The following KYNU variants were observed in gnomAD, a reference collection of about 807,000 sequenced individuals.
KYNU encodes the protein L-kynurenine hydrolase.
KYNU carries 54 observed loss-of-function variants against 59.2 expected under a neutral mutation model. The observed-to-expected ratio is 0.91, with a 90% confidence interval of 0.73 to 1.14. The LOEUF (loss-of-function observed/expected upper bound fraction) is 1.14, where lower values mean the gene tolerates loss of function less well. KYNU is among the 50% of genes most tolerant of loss of function. The pLI, the probability that KYNU is intolerant of heterozygous loss-of-function variation, is 0.00. For missense variants in KYNU, 567 were observed against 554.4 expected (o/e 1.02, Z -0.23); for synonymous variants, 177 against 192.0 (o/e 0.92, Z 0.65).
At chr2:142,989,359 A>G (rs1685322256) in intron 10 of KYNU, 1 of 1,000,114 alleles carries the variant, frequency 1.0e-6, no homozygotes, top group African/African-American at 1.7e-5. Flanking sequence ...GAGAGACCAA[A>G]GAGTTTTTCA....
chr2:142,906,001 G>GTC (rs796174046), intron 2 of KYNU, among the ~76,000 whole-genome samples: 6 of 150,202 alleles, frequency 4.0e-5, no homozygotes, highest in East Asian at 2.0e-4. Flanking sequence ...TCTCATCTCT[G>GTC]TCTCTCTCTC....
At chr2:142,949,615 G>T (rs1258349129) in intron 4 of KYNU, among the ~76,000 whole-genome samples, 1 of 152,170 alleles carries the variant, frequency 6.6e-6, no homozygotes, top group Non-Finnish European at 1.5e-5. Flanking sequence ...GGGACTCAGG[G>T]CACCAAGTCC....
At chr2:142,913,546 T>C (rs1263926523) in intron 2 of KYNU, among the ~76,000 whole-genome samples, 1 of 152,212 alleles carries the variant, frequency 6.6e-6, no homozygotes, top group Admixed American at 6.5e-5. Flanking sequence ...TATTCCACTG[T>C]GGTCTGAAAG....
intron 8 of KYNU, chr2:142,971,131 A>G (rs1378714786): frequency 1.3e-5 from 2 of 152,198 alleles, no homozygotes; most frequent in Admixed American, 1.3e-4. Context: ...ATCTTCCAAA[A>G]AATTAGAAGT....
At chr2:142,947,046 C>T (rs1246875048) in intron 4 of KYNU, 23 of 1,547,674 alleles carry the variant, frequency 1.5e-5, no homozygotes, top group Non-Finnish European at 2.0e-5. Context: ...TCTCACCTCA[C>T]CCTTCCCCAA....
At chr2:142,927,130 A>G (rs1216698474) in intron 3 of KYNU, among the ~76,000 whole-genome samples, 1 of 152,250 alleles carries the variant, frequency 6.6e-6, no homozygotes, top group Non-Finnish European at 1.5e-5. Flanking sequence ...GCTAGCAAAT[A>G]TGTCAAACCA....
chr2:142,881,011 G>A (rs1411438116), intron 1 of KYNU, among the ~76,000 whole-genome samples: 2 of 152,206 alleles, frequency 1.3e-5, no homozygotes, highest in Non-Finnish European at 2.9e-5. Flanking sequence ...TGTTATTGGT[G>A]TTCAGAGGAA....
rs145100378 is a variant in KYNU at position 142,948,388 on chromosome 2, A to G, written c.374-6422A>G. On this transcript the variant is annotated intron_variant, in intron 4 of 13. Transcript: ENST00000264170. ...ACCAGATCACTCAAACTTTCTCCAT[A>G]TCAGCAATAAAGCTTGTATTAGTCT... 9.7e-3 allele frequency among the ~76,000 whole-genome samples: 1,471 copies of G among 152,314 alleles called. 15 individuals are homozygous for G. Among genetic ancestry groups the G allele is most frequent in the Non-Finnish European group, 0.011 (756 of 68,020 alleles).
At chr2:142,972,809 T>G (rs568607923) in intron 8 of KYNU, among the ~76,000 whole-genome samples, 3,125 of 137,276 alleles carry the variant, frequency 0.023, 51 homozygotes, top group African/African-American at 0.054. Flanking sequence ...TATATATATA[T>G]ATATAGAGAG....
At chr2:142,955,552 C>T (rs926412571) in intron 5 of KYNU, among the ~76,000 whole-genome samples, 14 of 151,964 alleles carry the variant, frequency 9.2e-5, no homozygotes, top group African/African-American at 3.1e-4. Context: ...TTGAAAAAGG[C>T]TTTTGGCATC....
chr2:142,967,883 T>A (rs1684598539), intron 8 of KYNU, among the ~76,000 whole-genome samples: 1 of 152,178 alleles, frequency 6.6e-6, no homozygotes, highest in South Asian at 2.1e-4. Context: ...ATATCAGAAC[T>A]TGAGCAATTA....
chr2:142,959,127 T>TCACA (rs148878212), intron 7 of KYNU, among the ~76,000 whole-genome samples: 1 of 150,224 alleles, frequency 6.7e-6, no homozygotes, highest in Non-Finnish European at 1.5e-5. Flanking sequence ...ACATACACAC[T>TCACA]CACACACACA....
At chr2:142,949,279 C>G (rs983443882) in intron 4 of KYNU, among the ~76,000 whole-genome samples, 9 of 152,184 alleles carry the variant, frequency 5.9e-5, no homozygotes, top group African/African-American at 1.9e-4. Flanking sequence ...ACTCTGGGGA[C>G]TGGAGGACAG....
At chr2:142,922,413 G>A (rs1216272888) in intron 3 of KYNU, among the ~76,000 whole-genome samples, 1 of 152,118 alleles carries the variant, frequency 6.6e-6, no homozygotes, top group Non-Finnish European at 1.5e-5. Context: ...GTTGAGGTGG[G>A]AGGATCGCTT....
chr2:142,971,865 T>C (rs1340202789), intron 8 of KYNU, among the ~76,000 whole-genome samples: 2 of 152,212 alleles, frequency 1.3e-5, no homozygotes, highest in Non-Finnish European at 2.9e-5. Context: ...AAAATCAAGA[T>C]GCTTTTTGTA....
rs762680531 is a variant in KYNU at position 142,986,025 on chromosome 2, A to G, written c.902+4A>G. The G allele has an allele frequency of 1.9e-6, 3 of 1,602,548 alleles. No individual in the cohort carries two copies. Among genetic ancestry groups the G allele is most frequent in the Non-Finnish European group, 2.6e-6 (3 of 1,170,230 alleles). The stretch of plus-strand genomic sequence containing the variant: ...ATGCCCATACGATTAAACCTGCGTG[A>G]GTACCATCTTCAGCTAATTCTTTGG... On this transcript the variant is annotated splice_donor_region_variant and intron_variant, in intron 10 of 13. Transcript: ENST00000264170.
intron 2 of KYNU, among the ~76,000 whole-genome samples, chr2:142,905,716 G>A (rs1248280035): frequency 6.6e-6 from 1 of 152,288 alleles, no homozygotes; most frequent in Non-Finnish European, 1.5e-5. Context: ...TCTTCTGTTA[G>A]CAAAGCAGTT....
intron 4 of KYNU, chr2:142,946,977 A>C: frequency 1.4e-6 from 2 of 1,443,246 alleles, no homozygotes; most frequent in Non-Finnish European, 1.9e-6. Flanking sequence ...TTTGTATTTC[A>C]AATAGCCAAC....
At chr2:142,947,288 C>A in intron 4 of KYNU, 2 of 1,454,200 alleles carry the variant, frequency 1.4e-6, no homozygotes, top group Non-Finnish European at 1.9e-6. Context: ...TCACTTAAAA[C>A]TCACCACTAC....
Sources: gnomAD v4.1 joint callset for allele counts (sites outside exome capture counted in the v4.1 genomes callset) on GRCh38, gnomAD v4.1.1 for gene constraint, MANE v1.5 for transcripts, NCBI Gene and HGNC (gene_info 2026-07-23, HGNC 2026-07-21) for gene names.